Variants in TSHR observed in about 807,000 individuals in gnomAD.
The protein encoded by TSHR is thyrotropin receptor.
A neutral mutation model predicts 64.1 loss-of-function variants in TSHR; 51 were observed. That is an observed-to-expected ratio of 0.80 (90% CI 0.64 to 1.01). The LOEUF is 1.01. Ranked by LOEUF, TSHR falls within the 50% of genes least tolerant of loss-of-function variation. TSHR has a pLI of 0.00. For missense variants in TSHR, 877 were observed against 942.8 expected (o/e 0.93, Z 0.91); for synonymous variants, 361 against 361.9 (o/e 1.00, Z 0.03).
chr14:81,118,722 G>C (rs1003817343), intron 8 of TSHR, among the ~76,000 whole-genome samples: 41 of 152,170 alleles, frequency 2.7e-4, no homozygotes, highest in African/African-American at 7.5e-4. Context: ...ATCGCCAAGT[G>C]AATCCTAAGC....
At chr14:81,124,257 T>G (rs1271805730) in intron 8 of TSHR, among the ~76,000 whole-genome samples, 1 of 152,088 alleles carries the variant, frequency 6.6e-6, no homozygotes, top group Non-Finnish European at 1.5e-5. Flanking sequence ...CTTCACAAGA[T>G]AATACTATTA....
chr14:81,020,256 T>C (rs1883674237), intron 1 of TSHR, among the ~76,000 whole-genome samples: 1 of 152,174 alleles, frequency 6.6e-6, no homozygotes, highest in South Asian at 2.1e-4. Flanking sequence ...TGTGGGGAAT[T>C]AGCAATTCCT....
intron 3 of TSHR, among the ~76,000 whole-genome samples, chr14:81,073,552 T>C (rs1276674475): frequency 6.6e-6 from 1 of 152,100 alleles, no homozygotes; most frequent in Non-Finnish European, 1.5e-5. Context: ...ACCTAACTTC[T>C]AAATAACTCT....
At chr14:81,036,682 AT>A (rs1884643233) in intron 1 of TSHR, among the ~76,000 whole-genome samples, 2 of 152,310 alleles carry the variant, frequency 1.3e-5, no homozygotes, top group Non-Finnish European at 2.9e-5. Context: ...GAGTAAATTT[AT>A]TATCAAATTT....
chr14:81,026,297 G>A (rs1172896018), intron 1 of TSHR, among the ~76,000 whole-genome samples: 2 of 152,182 alleles, frequency 1.3e-5, no homozygotes, highest in Admixed American at 6.5e-5. Flanking sequence ...ATGGATGGAT[G>A]AGTAAAGAAA....
intron 1 of TSHR, among the ~76,000 whole-genome samples, chr14:81,023,289 C>T (rs1883869741): frequency 6.6e-6 from 1 of 152,018 alleles, no homozygotes; most frequent in Non-Finnish European, 1.5e-5. Context: ...CTCAAGCCTA[C>T]TGGCTTGAGA....
intron 2 of TSHR, among the ~76,000 whole-genome samples, chr14:81,066,417 T>C (rs534866533): frequency 2.0e-5 from 3 of 152,182 alleles, no homozygotes; most frequent in Non-Finnish European, 4.4e-5. Context: ...TATATTTGTA[T>C]CAAAACAATT....
chr14:81,055,064 G>C (rs1885685997), intron 1 of TSHR, among the ~76,000 whole-genome samples: 1 of 152,030 alleles, frequency 6.6e-6, no homozygotes, highest in Admixed American at 6.6e-5. Flanking sequence ...TGGTGGGCTG[G>C]GCCTAGGTTC....
intron 8 of TSHR, among the ~76,000 whole-genome samples, chr14:81,138,512 C>T (rs1471306343): frequency 6.6e-6 from 1 of 152,080 alleles, no homozygotes; most frequent in African/African-American, 2.4e-5. Context: ...TTCTTACCAG[C>T]AGACCAGTTT....
At chr14:80,957,397 T>A (rs1006330293) in intron 1 of TSHR, among the ~76,000 whole-genome samples, 1 of 151,762 alleles carries the variant, frequency 6.6e-6, no homozygotes, top group African/African-American at 2.4e-5. Flanking sequence ...CAAGCTTCTC[T>A]AACATAGGGA....
intron 1 of TSHR, among the ~76,000 whole-genome samples, chr14:80,967,187 T>TATAC (rs1887362002): frequency 1.7e-4 from 1 of 6,050 alleles, no homozygotes; most frequent in South Asian, 0.023. Context: ...TATGTATGTG[T>TATAC]ATATATATAT....
chr14:81,063,587 T>C (rs779738470), intron 2 of TSHR, among the ~76,000 whole-genome samples: 15 of 152,192 alleles, frequency 9.9e-5, no homozygotes, highest in Non-Finnish European at 1.6e-4. Context: ...ATCTACCTTA[T>C]ACAACTGCCT....
intron 3 of TSHR, among the ~76,000 whole-genome samples, chr14:81,086,380 A>C (rs1022304451): frequency 1.1e-4 from 17 of 152,310 alleles, no homozygotes; most frequent in African/African-American, 4.1e-4. Flanking sequence ...TTTCATATTC[A>C]GTGTCCTTAG....
At chr14:81,058,000 G>C (rs1173397178) in intron 1 of TSHR, among the ~76,000 whole-genome samples, 1 of 152,246 alleles carries the variant, frequency 6.6e-6, no homozygotes, top group African/African-American at 2.4e-5. Flanking sequence ...GGATTTACAT[G>C]TTGATGAAAT....
intron 3 of TSHR, among the ~76,000 whole-genome samples, chr14:81,080,608 A>G (rs916133689): frequency 3.9e-5 from 6 of 152,218 alleles, no homozygotes; most frequent in Non-Finnish European, 7.3e-5. Context: ...TAAAAGATAC[A>G]TCAAATCATG....
Position 81,002,258 on chromosome 14 carries a change from C to T in TSHR, c.170+46408C>T, listed in dbSNP as rs894103310. On this transcript the variant is annotated intron_variant, in intron 1 of 9. Coordinates refer to ENST00000298171, the MANE Select transcript of TSHR (RefSeq NM_000369.5). ...AAGTTTCTGGGTAAGGGATTATAGC[C>T]CTTTATTTCCTGTTTTCCTACATCT... is the stretch of plus-strand genomic sequence containing the variant. 6.6e-5 allele frequency among the ~76,000 whole-genome samples: 10 copies of T among 152,054 alleles called. No homozygotes were observed. The East Asian group carries it at 1.5e-3, about 24-fold the overall frequency.
At chr14:81,027,877 G>A (rs1026186453) in intron 1 of TSHR, among the ~76,000 whole-genome samples, 10 of 152,070 alleles carry the variant, frequency 6.6e-5, no homozygotes, top group African/African-American at 2.4e-4. Flanking sequence ...GAGCGAGAGG[G>A]AAATGAAAAT....
intron 1 of TSHR, among the ~76,000 whole-genome samples, chr14:81,010,484 TTTTC>T (rs1452050999): frequency 6.6e-6 from 1 of 151,788 alleles, no homozygotes; most frequent in Non-Finnish European, 1.5e-5. Context: ...TAGTTTTTGT[TTTTC>T]TTTTTTAATG....
At chr14:81,044,673 A>AC (rs34040338) in intron 1 of TSHR, among the ~76,000 whole-genome samples, 49,162 of 136,020 alleles carry the variant, frequency 0.36, 11,365 homozygotes, top group Non-Finnish European at 0.5. Context: ...AAAAAAAAAA[A>AC]ACACACACAC....
Sources: gnomAD v4.1 joint callset for allele counts (sites outside exome capture counted in the v4.1 genomes callset) on GRCh38, gnomAD v4.1.1 for gene constraint, MANE v1.5 for transcripts, NCBI Gene and HGNC (gene_info 2026-07-23, HGNC 2026-07-21) for gene names.